Variants in P4HA1 observed in about 807,000 individuals in gnomAD.
P4HA1 encodes prolyl 4-hydroxylase subunit alpha 1.
Under a neutral mutation model 72.8 loss-of-function variants are expected in P4HA1, and 24 were observed. That is an observed-to-expected ratio of 0.33 (90% CI 0.24 to 0.46). The LOEUF is 0.46. P4HA1 is among the 20% of genes least tolerant of loss of function. The pLI is 1.00. For synonymous variants in P4HA1, 201 were observed against 218.8 expected (o/e 0.92, Z 0.72); for missense variants, 446 against 640.6 (o/e 0.70, Z 3.28).
In P4HA1 at chr10:73,061,775, A is replaced by C. The variant is rs553247702; in HGVS notation, c.463+7071T>G. Among the ~76,000 whole-genome samples, 108 of 152,280 alleles carry C rather than the reference A, an allele frequency of 7.1e-4. 1 individual carries two copies. Among genetic ancestry groups the C allele is most frequent in the South Asian group, 2.3e-3 (11 of 4,826 alleles). ...AGTGAGACCCTGTCTCTAAAAAAAA[A>C]TTAAAAATAAATTACAAAGACCTAC... On this transcript the variant is annotated intron_variant, in intron 5 of 14. Transcript: ENST00000394890.
At chr10:73,075,749 GTGTGTGTGTGTATGTGTGTA>G (rs1207436420) in intron 1 of P4HA1, among the ~76,000 whole-genome samples, 2 of 151,422 alleles carry the variant, frequency 1.3e-5, no homozygotes, top group Non-Finnish European at 2.9e-5. Flanking sequence ...TATAGTGTGT[GTGTGTGTGTGTATGTGTGTA>G]TGTGTGTGTG....
chr10:73,014,698 CCCA>C lies in P4HA1; in HGVS notation c.1303-412_1303-410del, dbSNP rs373436194. 4.3e-4 allele frequency among the ~76,000 whole-genome samples: 66 copies of C among 152,262 alleles called. 1 individual carries two copies. Among genetic ancestry groups the C allele is most frequent in the African/African-American group, 1.5e-3 (62 of 41,566 alleles). ...CTACATATTATTTTAAAAACAAATACCCACAATTTTAGCTTCTAAAAAATATGA... is the reference window on the plus strand; with the variant it reads ...CTACATATTATTTTAAAAACAAATACCAATTTTAGCTTCTAAAAAATATGA... On this transcript the variant is annotated intron_variant, in intron 11 of 14. Transcript: ENST00000394890.
At chr10:73,010,267 C>T (rs1839886683) in intron 13 of P4HA1, among the ~76,000 whole-genome samples, 1 of 152,072 alleles carries the variant, frequency 6.6e-6, no homozygotes, top group Non-Finnish European at 1.5e-5. Context: ...CGTGCCCGGC[C>T]GTTTTCAGCA....
In P4HA1 at chr10:73,007,272, C is replaced by G. The variant is rs201470305; in HGVS notation, c.*950G>C. 2.0e-5 allele frequency: 3 copies of G among 152,154 alleles called. No homozygotes were observed. Among genetic ancestry groups the G allele is most frequent in the African/African-American group, 7.3e-5 (3 of 41,096 alleles). The allele number at this position is 152,154 out of a possible 1,614,324, so 9.4% of individuals were successfully genotyped here. On this transcript the variant is annotated 3_prime_UTR_variant, in exon 15 of 15. Transcript: ENST00000394890. ...AGGTCATTGTTGTCACAACACATTT[C>G]AGAATCTTAAAAAAACAAACATTTT... is the stretch of plus-strand genomic sequence containing the variant.
In P4HA1 at chr10:73,065,746, G is replaced by A. The variant is rs144754331; in HGVS notation, c.463+3100C>T. Among the ~76,000 whole-genome samples the A allele has an allele frequency of 7.4e-4, 112 of 152,216 alleles. 1 individual carries two copies. The highest frequency in any genetic ancestry group is 2.3e-3 in the African/African-American group (94 of 41,538). On this transcript the variant is annotated intron_variant, in intron 5 of 14. Coordinates refer to ENST00000394890, the MANE Select transcript of P4HA1 (RefSeq NM_001017962.3). ...TTCTTATACCCTAAGAGAAAGCCTT[G>A]CACGTGAGTACATGGCCACAAAAAG...
intron 7 of P4HA1, among the ~76,000 whole-genome samples, chr10:73,048,003 G>C (rs1206866295): frequency 6.6e-6 from 1 of 152,158 alleles, no homozygotes; most frequent in Non-Finnish European, 1.5e-5. Context: ...AGTGAGCCAT[G>C]ATCATGCCAC....
chr10:73,009,726 TTTG>T, intron 14 of P4HA1, 78 bp downstream of exon 14: 1 of 773,798 alleles, frequency 1.3e-6, no homozygotes, highest in Non-Finnish European at 2.2e-6. Flanking sequence ...CATGGGGGCT[TTTG>T]TTTTTAAGAC....
At chr10:73,060,153 C>A (rs368115685) in intron 5 of P4HA1, among the ~76,000 whole-genome samples, 11 of 152,066 alleles carry the variant, frequency 7.2e-5, no homozygotes, top group African/African-American at 1.7e-4. Flanking sequence ...TACAAAAAAA[C>A]CTGTATTCAG....
At chr10:73,034,635 T>C (rs1840523976) in intron 9 of P4HA1, among the ~76,000 whole-genome samples, 1 of 151,196 alleles carries the variant, frequency 6.6e-6, no homozygotes, top group African/African-American at 2.4e-5. Flanking sequence ...TTGCCCAGGC[T>C]GGAGTGCAGT....
At position 73,021,636 on chromosome 10, in the gene P4HA1, G is replaced by C. The variant is rs536282301; in HGVS notation, c.1249-4737C>G. ...GTACCTGGTTCATCTCATTGGGACTGGTTGGACAGTGGGTGCAGACCATAG... is the reference window on the plus strand; with the variant it reads ...GTACCTGGTTCATCTCATTGGGACTCGTTGGACAGTGGGTGCAGACCATAG... On this transcript the variant is annotated intron_variant, in intron 10 of 14. Coordinates refer to ENST00000394890, the MANE Select transcript of P4HA1 (RefSeq NM_001017962.3). Among the ~76,000 whole-genome samples, 3 of 152,332 alleles carry C rather than the reference G, an allele frequency of 2.0e-5. No individual in the cohort carries two copies. The South Asian group carries it at 6.2e-4, about 32-fold the overall frequency.
chr10:73,056,759 G>T (rs907207566), intron 5 of P4HA1, among the ~76,000 whole-genome samples: 8 of 151,746 alleles, frequency 5.3e-5, no homozygotes, highest in Non-Finnish European at 1.0e-4. Context: ...AACTCATTAG[G>T]CTGGTTAAAA....
intron 9 of P4HA1, among the ~76,000 whole-genome samples, chr10:73,032,172 T>C (rs1840447510): frequency 6.6e-6 from 1 of 152,226 alleles, no homozygotes; most frequent in Non-Finnish European, 1.5e-5. Context: ...ATGTATTTCC[T>C]ACTTCATAGA....
intron 9 of P4HA1, among the ~76,000 whole-genome samples, chr10:73,040,397 G>T (rs1840703500): frequency 6.6e-6 from 1 of 151,206 alleles, no homozygotes; most frequent in Admixed American, 6.6e-5. Context: ...ACTGTGGGCT[G>T]GATATTTCTT....
chr10:73,082,379 G>C (rs1841843139), intron 1 of P4HA1: 1 of 152,006 alleles, frequency 6.6e-6, no homozygotes, highest in South Asian at 2.1e-4. Flanking sequence ...TTAGCGTTTT[G>C]GTCAAATATT....
At chr10:73,085,052 G>A (rs1841897885) in intron 1 of P4HA1, among the ~76,000 whole-genome samples, 1 of 152,090 alleles carries the variant, frequency 6.6e-6, no homozygotes. Flanking sequence ...GAGGTGGAAG[G>A]ATTGCTTGAA....
At chr10:73,041,337 G>A (rs187127223) in intron 9 of P4HA1, among the ~76,000 whole-genome samples, 376 of 152,204 alleles carry the variant, frequency 2.5e-3, no homozygotes, top group African/African-American at 8.6e-3. Flanking sequence ...GAGGTCAGGA[G>A]ATCGAGACCA....
intron 11 of P4HA1, among the ~76,000 whole-genome samples, chr10:73,015,731 C>CCA (rs892654967): frequency 1.9e-4 from 29 of 152,290 alleles, no homozygotes; most frequent in Non-Finnish European, 1.5e-4. Context: ...GCACATACCT[C>CCA]CAGCCTCTGT....
intron 7 of P4HA1, among the ~76,000 whole-genome samples, chr10:73,048,531 C>A (rs920713238): frequency 2.0e-5 from 3 of 152,146 alleles, no homozygotes; most frequent in Admixed American, 6.5e-5. Flanking sequence ...TCCCAAAGTG[C>A]TGAGATTACA....
intron 1 of P4HA1, among the ~76,000 whole-genome samples, chr10:73,091,699 T>G (rs1422210357): frequency 6.6e-6 from 1 of 152,216 alleles, no homozygotes; most frequent in Non-Finnish European, 1.5e-5. Flanking sequence ...TGGGTTTTAC[T>G]GAAGTTCCAA....
Sources: allele counts gnomAD v4.1 joint callset (sites outside exome capture counted in the v4.1 genomes callset), GRCh38; gene constraint gnomAD v4.1.1; transcripts MANE v1.5; gene names NCBI Gene and HGNC (gene_info 2026-07-23, HGNC 2026-07-21).